The following PARD3 variants were observed in gnomAD, a reference collection of about 807,000 sequenced individuals.
PARD3 encodes par-3 family cell polarity regulator.
Under a neutral mutation model 155.4 loss-of-function variants are expected in PARD3, and 75 were observed. The ratio of observed to expected loss-of-function variants is 0.48; its 90% confidence interval spans 0.40 to 0.58. PARD3 has a LOEUF of 0.58. Among genes scored for constraint, PARD3 ranks in the 20% least tolerant of loss-of-function variants. PARD3 has a pLI of 0.00. For missense variants in PARD3, 1,642 were observed against 1,721.7 expected (o/e 0.95, Z 0.82); for synonymous variants, 576 against 610.5 (o/e 0.94, Z 0.83).
At chr10:34,204,691 T>C (rs1324773652) in intron 22 of PARD3, among the ~76,000 whole-genome samples, 1 of 147,880 alleles carries the variant, frequency 6.8e-6, no homozygotes. Flanking sequence ...AGGGTGTGCT[T>C]ACGTTACATT....
At chr10:34,171,387 G>A (rs962415460) in intron 22 of PARD3, among the ~76,000 whole-genome samples, 4 of 152,090 alleles carry the variant, frequency 2.6e-5, no homozygotes, top group Non-Finnish European at 5.9e-5. Context: ...TTGCTAAGAC[G>A]CTGGCTAATA....
At chr10:34,378,481 T>C (rs1474256480) in intron 9 of PARD3, among the ~76,000 whole-genome samples, 2 of 152,162 alleles carry the variant, frequency 1.3e-5, no homozygotes, top group Non-Finnish European at 2.9e-5. Flanking sequence ...TCAAGTATTA[T>C]TGTGCAATAA....
At chr10:34,692,546 A>C (rs2094085583) in intron 2 of PARD3, among the ~76,000 whole-genome samples, 3 of 152,240 alleles carry the variant, frequency 2.0e-5, no homozygotes, top group Admixed American at 2.0e-4. Context: ...AAAGAACTTA[A>C]GCAAACTAAC....
intron 2 of PARD3, among the ~76,000 whole-genome samples, chr10:34,559,214 G>A (rs2085268132): frequency 1.3e-5 from 2 of 152,072 alleles, no homozygotes; most frequent in African/African-American, 4.8e-5. Flanking sequence ...CAATTTGATT[G>A]AATTGATCTT....
At chr10:34,564,762 C>T (rs1324304) in intron 2 of PARD3, among the ~76,000 whole-genome samples, 81,975 of 152,120 alleles carry the variant, frequency 0.54, 25,244 homozygotes, top group African/African-American at 0.86. Flanking sequence ...TGAGTAGACA[C>T]TTAGGATGTT....
intron 22 of PARD3, among the ~76,000 whole-genome samples, chr10:34,268,945 AATAAG>A (rs937946535): frequency 7.2e-5 from 11 of 152,034 alleles, no homozygotes; most frequent in Non-Finnish European, 1.0e-4. Flanking sequence ...AAATAAATAA[AATAAG>A]ATAAAACACA....
At chr10:34,344,089 TA>T in intron 15 of PARD3, 1 of 963,724 alleles carries the variant, frequency 1.0e-6, no homozygotes, top group East Asian at 1.1e-4. Context: ...AGATAAATTC[TA>T]AAATGGATAC....
At chr10:34,142,327 T>A (rs1034561207) in intron 22 of PARD3, among the ~76,000 whole-genome samples, 2 of 151,950 alleles carry the variant, frequency 1.3e-5, no homozygotes, top group African/African-American at 4.8e-5. Context: ...AGCATCGCTT[T>A]AGCTAGTAGT....
At chr10:34,590,754 G>A (rs1230377718) in intron 2 of PARD3, among the ~76,000 whole-genome samples, 1 of 152,096 alleles carries the variant, frequency 6.6e-6, no homozygotes, top group Non-Finnish European at 1.5e-5. Flanking sequence ...CTGGAAGTGG[G>A]CACACCCAGA....
intron 5 of PARD3, among the ~76,000 whole-genome samples, chr10:34,429,837 G>A (rs534130656): frequency 2.0e-5 from 3 of 152,136 alleles, no homozygotes; most frequent in South Asian, 4.2e-4. Flanking sequence ...CGCCCGCCTC[G>A]GCCTCCCAAA....
At chr10:34,118,730 T>C (rs1946820625) in intron 24 of PARD3, among the ~76,000 whole-genome samples, 1 of 152,212 alleles carries the variant, frequency 6.6e-6, no homozygotes, top group Admixed American at 6.5e-5. Context: ...TCCCTAAAAC[T>C]GTTTTGCTCA....
chr10:34,433,111 C>A (rs2076028894), intron 5 of PARD3, among the ~76,000 whole-genome samples: 1 of 152,052 alleles, frequency 6.6e-6, no homozygotes, highest in South Asian at 2.1e-4. Context: ...CATATTTTAC[C>A]ATTTCAAATA....
At chr10:34,361,415 ATACTT>A (rs752378267) in intron 12 of PARD3, among the ~76,000 whole-genome samples, 30 of 152,364 alleles carry the variant, frequency 2.0e-4, no homozygotes, top group African/African-American at 4.8e-4. Flanking sequence ...GTAGGAATAT[ATACTT>A]TAAACAGATT....
At chr10:34,720,509 G>A (rs1243248749) in intron 1 of PARD3, among the ~76,000 whole-genome samples, 1 of 127,882 alleles carries the variant, frequency 7.8e-6, no homozygotes, top group Non-Finnish European at 1.6e-5. Context: ...ACTATGCCAA[G>A]AATTCTAGCC....
At chr10:34,748,384 C>T (rs1259948822) in intron 1 of PARD3, among the ~76,000 whole-genome samples, 1 of 152,078 alleles carries the variant, frequency 6.6e-6, no homozygotes, top group Non-Finnish European at 1.5e-5. Flanking sequence ...GCACAAGAAT[C>T]GATTGAGCCC....
chr10:34,807,546 A>G (rs555840070), intron 1 of PARD3, among the ~76,000 whole-genome samples: 2 of 152,270 alleles, frequency 1.3e-5, no homozygotes, highest in African/African-American at 4.8e-5. Flanking sequence ...CTAGCGGAAC[A>G]CCACTCTACT....
Position 34,606,638 on chromosome 10 carries a change from C to CAAAAAAAAAAAAA in PARD3, c.223-89492_223-89480dup, listed in dbSNP as rs398013195. Among the ~76,000 whole-genome samples the CAAAAAAAAAAAAA allele has an allele frequency of 5.0e-5, 4 of 79,636 alleles. 1 individual carries two copies. The highest frequency in any genetic ancestry group is 9.6e-5 in the African/African-American group (2 of 20,846). The allele number at this position is 79,636 out of a possible 152,430, so 52.2% of individuals were successfully genotyped here. A position where few individuals can be genotyped will look rare whatever the true frequency, so the allele number is the denominator to read the frequency against. On this transcript the variant is annotated intron_variant, in intron 2 of 24. Coordinates refer to ENST00000374788, the MANE Select transcript of PARD3 (RefSeq NM_001184785.2). The stretch of plus-strand genomic sequence containing the variant: ...CAACATAGTGAGACCCCCGTGTCTT[C>CAAAAAAAAAAAAA]AAAAAAAAAAAAAAAAAAAAAAAAG...
At chr10:34,407,118 C>T (rs1334580096) in intron 5 of PARD3, among the ~76,000 whole-genome samples, 3 of 152,154 alleles carry the variant, frequency 2.0e-5, no homozygotes, top group Non-Finnish European at 2.9e-5. Flanking sequence ...GGGAGAAAGA[C>T]GGGAACAGTG....
Position 34,375,053 on chromosome 10 carries a change from A to AACACACACACACACACACACAC in PARD3, c.1540-73_1540-52dup, listed in dbSNP as rs35263377. The AACACACACACACACACACACAC allele has an allele frequency of 3.3e-5, 26 of 783,532 alleles. No individual in the cohort carries two copies. The African/African-American group carries it at 4.6e-4, about 14-fold the overall frequency. 48.5% of individuals were successfully genotyped at this position (783,532 alleles called of 1,614,324 possible). On this transcript the variant is annotated intron_variant, in intron 10 of 24. Transcript: ENST00000374788. ...TGTAATCCTGTGGAAACAACAGGAA[A>AACACACACACACACACACACAC]ACACACACACACACACACACACACA...
Sources: allele counts gnomAD v4.1 joint callset (sites outside exome capture counted in the v4.1 genomes callset), GRCh38; gene constraint gnomAD v4.1.1; transcripts MANE v1.5; gene names NCBI Gene and HGNC (gene_info 2026-07-23, HGNC 2026-07-21).